ZMIZ1: variants seen among roughly 807,000 people sequenced by gnomAD.
ZMIZ1 encodes zinc finger MIZ domain-containing protein 1.
In ZMIZ1, 17 loss-of-function variants were observed where a neutral mutation model predicts 113.9. The observed-to-expected ratio is 0.15, with a 90% CI of 0.10 to 0.22. The LOEUF (loss-of-function observed/expected upper bound fraction) is 0.22, where lower values mean the gene tolerates loss of function less well. ZMIZ1 is among the 10% of genes least tolerant of loss of function. The pLI, the probability that ZMIZ1 is intolerant of heterozygous loss-of-function variation, is 1.00. For synonymous variants in ZMIZ1, 607 were observed against 603.1 expected (o/e 1.01, Z -0.09); for missense variants, 1,059 against 1,477.8 (o/e 0.72, Z 4.65).
chr10:79,165,198 G>A (rs16936991), intron 4 of ZMIZ1, among the ~76,000 whole-genome samples: 6,281 of 152,202 alleles, frequency 0.041, 188 homozygotes, highest in East Asian at 0.15. Flanking sequence ...TTTGGGCCAC[G>A]ATCCTTCAGG....
At chr10:79,215,814 G>A (rs1291539132) in intron 6 of ZMIZ1, among the ~76,000 whole-genome samples, 1 of 152,052 alleles carries the variant, frequency 6.6e-6, no homozygotes, top group Admixed American at 6.6e-5. Context: ...CACACAGATG[G>A]AGCAGAGACC....
At chr10:79,283,487 T>G (rs969719555) in intron 8 of ZMIZ1, among the ~76,000 whole-genome samples, 1 of 152,200 alleles carries the variant, frequency 6.6e-6, no homozygotes, top group African/African-American at 2.4e-5. Flanking sequence ...CATCAAATTC[T>G]TAAGTGCTTA....
At chr10:79,279,966 G>T (rs927094187) in intron 8 of ZMIZ1, among the ~76,000 whole-genome samples, 9 of 151,646 alleles carry the variant, frequency 5.9e-5, no homozygotes, top group African/African-American at 2.2e-4. Flanking sequence ...AAGGGGAGAG[G>T]GGGAGGGAGA....
chr10:79,076,350 C>T (rs1333044713), intron 1 of ZMIZ1, among the ~76,000 whole-genome samples: 1 of 152,130 alleles, frequency 6.6e-6, no homozygotes, highest in Non-Finnish European at 1.5e-5. Context: ...ATGAGAGGCC[C>T]AGCTGAACCT....
At chr10:79,123,787 G>C (rs1844398836) in intron 2 of ZMIZ1, among the ~76,000 whole-genome samples, 2 of 152,240 alleles carry the variant, frequency 1.3e-5, no homozygotes, top group Non-Finnish European at 2.9e-5. Context: ...CAGACTTCCA[G>C]GGTTACATAG....
chr10:79,254,919 G>A (rs1403596957), intron 7 of ZMIZ1, among the ~76,000 whole-genome samples: 2 of 152,232 alleles, frequency 1.3e-5, no homozygotes, highest in African/African-American at 4.8e-5. Context: ...AGAAGGGCGT[G>A]TGGTTGAAGA....
intron 3 of ZMIZ1, among the ~76,000 whole-genome samples, chr10:79,147,278 A>C (rs566463597): frequency 1.3e-5 from 2 of 152,290 alleles, no homozygotes; most frequent in East Asian, 3.9e-4. Flanking sequence ...CCATCTGTCA[A>C]GAAAAGGCAC....
intron 8 of ZMIZ1, among the ~76,000 whole-genome samples, chr10:79,288,006 G>A (rs1341113842): frequency 3.9e-5 from 6 of 152,194 alleles, no homozygotes; most frequent in South Asian, 2.1e-4. Context: ...CGAGGAGGGC[G>A]GGGGAGGCCC....
intron 3 of ZMIZ1, among the ~76,000 whole-genome samples, chr10:79,142,983 G>A (rs569017301): frequency 1.3e-5 from 2 of 152,326 alleles, no homozygotes; most frequent in South Asian, 4.1e-4. Flanking sequence ...CCTGCTCCCA[G>A]TTAGGGGAGC....
chr10:79,147,863 A>G (rs1045879310), intron 3 of ZMIZ1, among the ~76,000 whole-genome samples: 1 of 152,206 alleles, frequency 6.6e-6, no homozygotes, highest in Non-Finnish European at 1.5e-5. Context: ...AAATGTGTGC[A>G]TGTGGGCAGA....
intron 4 of ZMIZ1, among the ~76,000 whole-genome samples, chr10:79,184,987 C>A (rs898543390): frequency 6.6e-6 from 1 of 152,246 alleles, no homozygotes; most frequent in Admixed American, 6.5e-5. Context: ...TAGCTGCTTG[C>A]ACAAGTGCAG....
intron 2 of ZMIZ1, among the ~76,000 whole-genome samples, chr10:79,126,820 A>C (rs1844529752): frequency 1.3e-5 from 2 of 152,142 alleles, no homozygotes; most frequent in South Asian, 4.1e-4. Flanking sequence ...CTTTGAGCTG[A>C]TGCTGGGGAT....
intron 2 of ZMIZ1, among the ~76,000 whole-genome samples, chr10:79,135,240 T>C (rs1474109521): frequency 6.6e-6 from 1 of 152,218 alleles, no homozygotes; most frequent in Non-Finnish European, 1.5e-5. Context: ...GGCCAGGCAG[T>C]TGAGGTCAGG....
chr10:79,091,749 T>C (rs1269022706), intron 1 of ZMIZ1, among the ~76,000 whole-genome samples: 1 of 152,098 alleles, frequency 6.6e-6, no homozygotes, highest in Non-Finnish European at 1.5e-5. Context: ...CCAGCACCCA[T>C]GGACTTTAGG....
rs1182359574 is a variant in ZMIZ1, at chr10:79,236,982, C to A, written c.280+20708C>A. ...GCCAACAATGCTAAGGACAAAGCCA[C>A]GTCAGGAGACTCACAGGCATGTCAG... On this transcript the variant is annotated intron_variant, in intron 7 of 24. Coordinates refer to ENST00000334512, the MANE Select transcript of ZMIZ1 (RefSeq NM_020338.4). Among the ~76,000 whole-genome samples, 3 of 152,226 alleles carry A rather than the reference C, an allele frequency of 2.0e-5. 1 individual carries two copies. The East Asian group carries it at 5.8e-4, about 29-fold the overall frequency.
chr10:79,116,699 A>G (rs1193391536), intron 1 of ZMIZ1, among the ~76,000 whole-genome samples: 1 of 152,184 alleles, frequency 6.6e-6, no homozygotes, highest in Non-Finnish European at 1.5e-5. Flanking sequence ...ACACCCATGC[A>G]GAAAAGTGTG....
rs1475180338 is a variant in ZMIZ1, at chr10:79,239,103, G to A, written c.280+22829G>A. Among the ~76,000 whole-genome samples, 3 of 152,198 alleles carry A rather than the reference G, an allele frequency of 2.0e-5. No individual in the cohort carries two copies. The South Asian group carries it at 6.2e-4, about 31-fold the overall frequency. Reference sequence around the variant, plus strand: ...AGGATGAGGGGGGAAAGGGAGTGGGGACAGAGAGAACAGTGTCATAAAGAC... The same window carrying A: ...AGGATGAGGGGGGAAAGGGAGTGGGAACAGAGAGAACAGTGTCATAAAGAC... On this transcript the variant is annotated intron_variant, in intron 7 of 24. Coordinates refer to ENST00000334512, the MANE Select transcript of ZMIZ1 (RefSeq NM_020338.4).
chr10:79,114,628 C>T (rs1039539607), intron 1 of ZMIZ1, among the ~76,000 whole-genome samples: 2 of 151,926 alleles, frequency 1.3e-5, no homozygotes, highest in Non-Finnish European at 2.9e-5. Context: ...TTTTCCGGGG[C>T]CTCACTGAGC....
intron 7 of ZMIZ1, among the ~76,000 whole-genome samples, chr10:79,266,992 G>A (rs540209918): frequency 1.3e-5 from 2 of 152,382 alleles, no homozygotes; most frequent in South Asian, 2.1e-4. Context: ...CTGAGGAGGG[G>A]CTTGGGCTCT....
Sources: gnomAD v4.1 joint callset for allele counts (sites outside exome capture counted in the v4.1 genomes callset) on GRCh38, gnomAD v4.1.1 for gene constraint, MANE v1.5 for transcripts, NCBI Gene and HGNC (gene_info 2026-07-23, HGNC 2026-07-21) for gene names.